Variants in STRADB observed in about 807,000 individuals in gnomAD.
The protein encoded by STRADB is STE20-related kinase adapter protein beta.
In STRADB, 34 loss-of-function variants were observed where a neutral mutation model predicts 52.1. The ratio of observed to expected loss-of-function variants is 0.65; its 90% CI spans 0.50 to 0.87. STRADB has a LOEUF of 0.87. Among genes scored for constraint, STRADB ranks in the 40% least tolerant of loss-of-function variants. The pLI is 0.00. For synonymous variants in STRADB, 133 were observed against 174.5 expected (o/e 0.76, Z 1.87); for missense variants, 340 against 483.9 (o/e 0.70, Z 2.79).
Position 201,478,619 on chromosome 2 carries a change from T to A in STRADB, c.1070+18T>A. 6.2e-7 allele frequency: 1 copy of A among 1,609,850 alleles called. No homozygotes were observed. Among genetic ancestry groups the A allele is most frequent in the Non-Finnish European group, 8.5e-7 (1 of 1,178,186 alleles). On this transcript the variant is annotated intron_variant, in intron 10 of 11. Coordinates refer to ENST00000194530, the MANE Select transcript of STRADB (RefSeq NM_018571.6). ...GAGAAAAGGTAATATTGATCTCTTT[T>A]AAATAGCACAAAATGTACATGTTTT...
At chr2:201,470,166 T>G in intron 4 of STRADB, 114 bp downstream of exon 4, 1 of 736,846 alleles carries the variant, frequency 1.4e-6, no homozygotes, top group South Asian at 1.7e-5. Flanking sequence ...TAAAACTAGA[T>G]GCTAATTGTG....
chr2:201,469,845 T>G, intron 3 of STRADB, 108 bp from the exon 4 acceptor site: 1 of 774,408 alleles, frequency 1.3e-6, no homozygotes, highest in Non-Finnish European at 2.2e-6. Flanking sequence ...TGCAGTACCT[T>G]CCTAATGAGC....
intron 3 of STRADB, chr2:201,460,684 A>G (rs964458828): frequency 6.1e-6 from 1 of 164,604 alleles, no homozygotes; most frequent in African/African-American, 2.4e-5. Flanking sequence ...GTTGTTGCAA[A>G]TGGTAGTATC....
Position 201,478,384 on chromosome 2 carries a change from C to T in STRADB, c.853C>T (p.Pro285Ser), listed in dbSNP as rs995628093. 1.9e-6 allele frequency: 3 copies of T among 1,614,026 alleles called. No homozygotes were observed. The African/African-American group carries it at 4.0e-5, about 22-fold the overall frequency. ...QMLLQKLKGP[P>S]YSPLDISIFP... The stretch of plus-strand genomic sequence containing the variant: ...GCTGTTACAGAAACTGAAAGGTCCT[C>T]CTTATAGCCCATTGGATATCAGTAT... Residue 285 changes from proline (P) to serine (S), a missense_variant, in exon 10 of 12, where the codon CCT becomes TCT. By Grantham distance (74) the Pro-to-Ser change is moderately conservative (BLOSUM62 -1). Coordinates refer to ENST00000194530, the MANE Select transcript of STRADB (RefSeq NM_018571.6).
intron 7 of STRADB, among the ~76,000 whole-genome samples, chr2:201,476,651 C>T (rs1360469744): frequency 6.6e-6 from 1 of 150,830 alleles, no homozygotes; most frequent in Non-Finnish European, 1.5e-5. Flanking sequence ...TTTTAGATAG[C>T]TTATTAGGTG....
At chr2:201,476,627 A>G (rs1952476866) in intron 7 of STRADB, among the ~76,000 whole-genome samples, 1 of 151,872 alleles carries the variant, frequency 6.6e-6, no homozygotes, top group South Asian at 2.1e-4. Flanking sequence ...TATTTCAAAT[A>G]TTGTTTGATT....
chr2:201,478,621 A>G lies in STRADB; in HGVS notation c.1070+20A>G. On this transcript the variant is annotated intron_variant, in intron 10 of 11. Transcript: ENST00000194530. ...GAAAAGGTAATATTGATCTCTTTTA[A>G]ATAGCACAAAATGTACATGTTTTAC... is the stretch of plus-strand genomic sequence containing the variant. The G allele has an allele frequency of 6.2e-7, 1 of 1,608,550 alleles. No homozygotes were observed. The highest frequency in any genetic ancestry group is 1.3e-5 in the African/African-American group (1 of 74,674).
intron 3 of STRADB, among the ~76,000 whole-genome samples, chr2:201,466,955 ATC>A (rs1055901399): frequency 1.3e-5 from 2 of 152,216 alleles, no homozygotes; most frequent in African/African-American, 4.8e-5. Flanking sequence ...GTCTGGCAGG[ATC>A]TCTCTGAAAA....
chr2:201,455,096 T>C (rs961795596), intron 2 of STRADB, among the ~76,000 whole-genome samples: 1 of 152,220 alleles, frequency 6.6e-6, no homozygotes, highest in Non-Finnish European at 1.5e-5. Flanking sequence ...ATATCTACTT[T>C]TTCTCATAGG....
At chr2:201,472,122 G>A (rs372419884) in intron 4 of STRADB, among the ~76,000 whole-genome samples, 26 of 152,344 alleles carry the variant, frequency 1.7e-4, no homozygotes, top group Non-Finnish European at 3.2e-4. Flanking sequence ...TGGTGAGTAT[G>A]TCAGGCAGTG....
At chr2:201,467,568 G>A (rs190922452) in intron 3 of STRADB, among the ~76,000 whole-genome samples, 10 of 152,224 alleles carry the variant, frequency 6.6e-5, no homozygotes, top group East Asian at 1.9e-4. Context: ...AGCTCTTCTC[G>A]CTGAACAATT....
chr2:201,479,289 G>C lies in STRADB; in HGVS notation c.1071-200G>C, dbSNP rs577296199. Reference sequence around the variant, plus strand: ...ACTGTGTGCAGTAAATGTTGAGTATGGATTAATTGAAGGATACCTCTACAA... The same window carrying C: ...ACTGTGTGCAGTAAATGTTGAGTATCGATTAATTGAAGGATACCTCTACAA... On this transcript the variant is annotated intron_variant, in intron 10 of 11. Coordinates refer to ENST00000194530, the MANE Select transcript of STRADB (RefSeq NM_018571.6). The C allele has an allele frequency of 1.5e-3, 821 of 549,676 alleles. 3 individuals are homozygous for C. Among genetic ancestry groups the C allele is most frequent in the Non-Finnish European group, 1.8e-3 (576 of 312,138 alleles). 34.0% of individuals were successfully genotyped at this position (549,676 alleles called of 1,614,324 possible).
At chr2:201,452,575 A>G (rs910780150) in intron 1 of STRADB, among the ~76,000 whole-genome samples, 18 of 152,230 alleles carry the variant, frequency 1.2e-4, no homozygotes, top group Non-Finnish European at 2.5e-4. Context: ...TGTTGAACGC[A>G]TGAGTCACTA....
intron 4 of STRADB, among the ~76,000 whole-genome samples, chr2:201,472,590 T>C (rs1195655728): frequency 6.6e-6 from 1 of 152,204 alleles, no homozygotes; most frequent in East Asian, 1.9e-4. Flanking sequence ...GGGGATGGGA[T>C]TGCCGAGTAG....
intron 7 of STRADB, 125 bp from the exon 8 acceptor site, chr2:201,477,494 T>C: frequency 1.0e-6 from 1 of 958,204 alleles, no homozygotes; most frequent in South Asian, 1.7e-5. Context: ...TTTTGCAGTT[T>C]ATACTGCTGT....
At chr2:201,471,568 G>C (rs995095453) in intron 4 of STRADB, among the ~76,000 whole-genome samples, 3 of 152,166 alleles carry the variant, frequency 2.0e-5, no homozygotes, top group Non-Finnish European at 4.4e-5. Flanking sequence ...CCGAGGCTCT[G>C]AGTCATACAG....
chr2:201,477,066 T>TG (rs1952488319), intron 7 of STRADB, among the ~76,000 whole-genome samples: 1 of 107,568 alleles, frequency 9.3e-6, no homozygotes, highest in Admixed American at 9.1e-5. Context: ...TTTTTTTTTT[T>TG]TTTTTTTTTT....
At chr2:201,466,549 A>G (rs1473050511) in intron 3 of STRADB, among the ~76,000 whole-genome samples, 1 of 152,202 alleles carries the variant, frequency 6.6e-6, no homozygotes, top group East Asian at 1.9e-4. Flanking sequence ...TTCTTTGGAC[A>G]ACTTGTTCTC....
intron 2 of STRADB, among the ~76,000 whole-genome samples, chr2:201,457,699 G>A (rs914405477): frequency 6.6e-6 from 1 of 152,138 alleles, no homozygotes; most frequent in Non-Finnish European, 1.5e-5. Flanking sequence ...GTACTTTAAT[G>A]TTAATATAAA....
Sources: allele counts gnomAD v4.1 joint callset (sites outside exome capture counted in the v4.1 genomes callset), GRCh38; gene constraint gnomAD v4.1.1; transcripts MANE v1.5; gene names NCBI Gene and HGNC (gene_info 2026-07-23, HGNC 2026-07-21).